LRP1B: variants seen among roughly 807,000 people sequenced by gnomAD.
The protein encoded by LRP1B is LDL receptor related protein 1B.
LRP1B carries 217 observed loss-of-function variants against 556.6 expected under a neutral mutation model. That is an observed-to-expected ratio of 0.39 (90% CI 0.35 to 0.44). The LOEUF (loss-of-function observed/expected upper bound fraction) is 0.44. Among genes scored for constraint, LRP1B ranks in the 20% least tolerant of loss-of-function variants. The pLI, the probability that LRP1B is intolerant of heterozygous loss-of-function variation, is 1.00. For synonymous variants in LRP1B, 2,047 were observed against 1,865.8 expected, an observed-to-expected ratio of 1.10 and a Z score of -2.50; for missense variants, 5,053 against 5,620.8, an observed-to-expected ratio of 0.90 and a Z score of 3.23.
intron 1 of LRP1B, among the ~76,000 whole-genome samples, chr2:141,914,703 C>T (rs1249574527): frequency 6.6e-6 from 1 of 152,046 alleles, no homozygotes; most frequent in East Asian, 1.9e-4. Flanking sequence ...TTTCTATACA[C>T]CAGTAACATT....
At chr2:140,923,666 T>C (rs1694807191) in intron 20 of LRP1B, among the ~76,000 whole-genome samples, 1 of 151,912 alleles carries the variant, frequency 6.6e-6, no homozygotes, top group South Asian at 2.1e-4. Flanking sequence ...ATTTGAGAAA[T>C]AGATACAAAA....
intron 1 of LRP1B, among the ~76,000 whole-genome samples, chr2:142,082,672 C>T (rs1160886747): frequency 1.3e-5 from 2 of 152,212 alleles, no homozygotes; most frequent in Non-Finnish European, 2.9e-5. Flanking sequence ...CAAGCTCAAT[C>T]ACTTCTCTCT....
chr2:141,040,886 T>G (rs964124147), intron 11 of LRP1B, among the ~76,000 whole-genome samples: 19 of 152,082 alleles, frequency 1.2e-4, no homozygotes, highest in African/African-American at 4.6e-4. Flanking sequence ...ATTAAACACA[T>G]CTTTCGGAGA....
chr2:141,754,569 T>C (rs1165294123), intron 2 of LRP1B, among the ~76,000 whole-genome samples: 1 of 152,146 alleles, frequency 6.6e-6, no homozygotes, highest in Non-Finnish European at 1.5e-5. Context: ...TGTATGCAAA[T>C]TGGTTTCAGT....
intron 62 of LRP1B, among the ~76,000 whole-genome samples, chr2:140,451,038 C>T (rs1313533559): frequency 6.6e-6 from 1 of 152,164 alleles, no homozygotes; most frequent in Non-Finnish European, 1.5e-5. Context: ...ACTTCTTGGG[C>T]TCAAGAGATT....
chr2:141,019,349 A>G (rs1698000545), intron 12 of LRP1B, among the ~76,000 whole-genome samples: 1 of 152,132 alleles, frequency 6.6e-6, no homozygotes, highest in Non-Finnish European at 1.5e-5. Flanking sequence ...GAGTAAAGTC[A>G]TATAGACAGG....
intron 25 of LRP1B, among the ~76,000 whole-genome samples, chr2:140,875,981 GTTATT>G (rs1463340091): frequency 1.3e-5 from 2 of 152,136 alleles, no homozygotes; most frequent in African/African-American, 2.4e-5. Flanking sequence ...TCCACGGACA[GTTATT>G]TTGTTTTGGT....
chr2:140,840,831 C>T (rs1188818977), intron 30 of LRP1B, 87 bp downstream of exon 30: 5 of 992,268 alleles, frequency 5.0e-6, no homozygotes, highest in East Asian at 2.6e-5. Context: ...TATATATATC[C>T]TCTGAATTAA....
intron 41 of LRP1B, among the ~76,000 whole-genome samples, chr2:140,624,204 A>C (rs1164218044): frequency 2.0e-5 from 3 of 151,886 alleles, no homozygotes; most frequent in Non-Finnish European, 2.9e-5. Flanking sequence ...AATTCGGCCA[A>C]ATTTCTTAAT....
intron 1 of LRP1B, among the ~76,000 whole-genome samples, chr2:142,100,050 G>T (rs537174153): frequency 6.6e-6 from 1 of 151,992 alleles, no homozygotes; most frequent in African/African-American, 2.4e-5. Context: ...CAATGCAAAT[G>T]TTGCCACAAT....
chr2:140,248,152 C>CT (rs1414403875), intron 86 of LRP1B, among the ~76,000 whole-genome samples: 3 of 151,686 alleles, frequency 2.0e-5, no homozygotes, highest in Non-Finnish European at 3.0e-5. Flanking sequence ...TCTGAGGCTG[C>CT]TTCCTGAGCT....
chr2:141,978,797 GGTTT>G (rs1371858923), intron 1 of LRP1B, among the ~76,000 whole-genome samples: 14 of 151,828 alleles, frequency 9.2e-5, no homozygotes, highest in Non-Finnish European at 1.9e-4. Context: ...CATTACTATA[GGTTT>G]GTTTTTACAT....
chr2:141,842,837 C>A (rs1044730141), intron 1 of LRP1B, among the ~76,000 whole-genome samples: 14 of 152,168 alleles, frequency 9.2e-5, no homozygotes, highest in Admixed American at 1.3e-4. Flanking sequence ...AATTCAGAGT[C>A]CTGGTGCACA....
intron 63 of LRP1B, among the ~76,000 whole-genome samples, chr2:140,449,591 G>T (rs1558890363): frequency 6.6e-6 from 1 of 152,060 alleles, no homozygotes; most frequent in East Asian, 1.9e-4. Context: ...ATTACTTACT[G>T]CTTTCAAACA....
intron 60 of LRP1B, among the ~76,000 whole-genome samples, chr2:140,461,069 GAAAAAAA>G (rs1217803995): frequency 2.8e-5 from 2 of 72,346 alleles, no homozygotes; most frequent in Admixed American, 3.2e-4. Context: ...ACTCAAAAAA[GAAAAAAA>G]AAAAAAAAGA....
chr2:141,843,271 GAAGC>G (rs1397615607), intron 1 of LRP1B, among the ~76,000 whole-genome samples: 2 of 152,146 alleles, frequency 1.3e-5, no homozygotes, highest in African/African-American at 4.8e-5. Context: ...GTTCTGGAAT[GAAGC>G]AAGCATTTAA....
At chr2:140,802,853 C>T (rs187777638) in intron 32 of LRP1B, among the ~76,000 whole-genome samples, 1 of 152,232 alleles carries the variant, frequency 6.6e-6, no homozygotes, top group East Asian at 1.9e-4. Context: ...CAGTTTTCAA[C>T]GAGTCACTTT....
intron 27 of LRP1B, among the ~76,000 whole-genome samples, chr2:140,866,338 ACTT>A (rs1692950428): frequency 6.6e-6 from 1 of 152,122 alleles, no homozygotes; most frequent in Non-Finnish European, 1.5e-5. Context: ...CAGAATAATA[ACTT>A]CTTGCCTTAT....
intron 32 of LRP1B, among the ~76,000 whole-genome samples, chr2:140,803,205 A>G (rs1040887645): frequency 1.3e-5 from 2 of 150,956 alleles, no homozygotes; most frequent in African/African-American, 4.9e-5. Context: ...TGTCCTTCAT[A>G]ATACTTAAGC....
Sources: gnomAD v4.1 joint callset for allele counts (sites outside exome capture counted in the v4.1 genomes callset) on GRCh38, gnomAD v4.1.1 for gene constraint, MANE v1.5 for transcripts, NCBI Gene and HGNC (gene_info 2026-07-23, HGNC 2026-07-21) for gene names.